The following TBC1D22A variants were observed in gnomAD, a reference collection of about 807,000 sequenced individuals.
TBC1D22A encodes the protein TBC1 domain family member 22A.
TBC1D22A carries 38 observed loss-of-function variants against 60.2 expected under a neutral mutation model. That is an observed-to-expected ratio of 0.63 (90% CI 0.49 to 0.83). TBC1D22A has a LOEUF of 0.83. Ranked by LOEUF, TBC1D22A falls within the 40% of genes least tolerant of loss-of-function variation. The pLI, the probability that TBC1D22A is intolerant of heterozygous loss-of-function variation, is 0.00. For missense variants in TBC1D22A, 628 were observed against 701.0 expected (o/e 0.90, Z 1.18); for synonymous variants, 302 against 281.7 (o/e 1.07, Z -0.72).
chr22:47,001,771 T>G (rs2061418454), intron 10 of TBC1D22A, among the ~76,000 whole-genome samples: 1 of 152,198 alleles, frequency 6.6e-6, no homozygotes, highest in Non-Finnish European at 1.5e-5. Context: ...GGAAGAATAA[T>G]TTTTCTGAAA....
At chr22:46,764,837 A>T (rs1220853149) in intron 1 of TBC1D22A, among the ~76,000 whole-genome samples, 1 of 152,214 alleles carries the variant, frequency 6.6e-6, no homozygotes, top group Admixed American at 6.5e-5. Flanking sequence ...GCAAGGAAGG[A>T]TGCTCACCTA....
At chr22:46,936,140 C>T (rs2071637763) in intron 8 of TBC1D22A, among the ~76,000 whole-genome samples, 1 of 152,258 alleles carries the variant, frequency 6.6e-6, no homozygotes, top group Non-Finnish European at 1.5e-5. Flanking sequence ...CGGGCATGTG[C>T]TGGTCACCTT....
chr22:47,126,719 G>A (rs530639601), intron 12 of TBC1D22A, among the ~76,000 whole-genome samples: 2 of 152,346 alleles, frequency 1.3e-5, no homozygotes, highest in Admixed American at 6.5e-5. Flanking sequence ...GAAGCCCAGG[G>A]ACCCTGTGGT....
intron 8 of TBC1D22A, among the ~76,000 whole-genome samples, chr22:46,964,329 A>G (rs924625330): frequency 1.3e-5 from 2 of 152,156 alleles, no homozygotes; most frequent in Non-Finnish European, 2.9e-5. Context: ...CCTTCTGGGC[A>G]TGTGGAGGCC....
chr22:46,948,653 T>A (rs1051556818), intron 8 of TBC1D22A, among the ~76,000 whole-genome samples: 2 of 152,224 alleles, frequency 1.3e-5, no homozygotes, highest in African/African-American at 2.4e-5. Context: ...ACAGAAGCTG[T>A]CTTCCCTCTT....
At chr22:46,917,056 G>A (rs1460574060) in intron 8 of TBC1D22A, among the ~76,000 whole-genome samples, 1 of 152,196 alleles carries the variant, frequency 6.6e-6, no homozygotes, top group African/African-American at 2.4e-5. Context: ...TGCAGATTGC[G>A]TCCTTGACCC....
intron 7 of TBC1D22A, among the ~76,000 whole-genome samples, chr22:46,910,132 T>C (rs1363585546): frequency 1.3e-5 from 2 of 152,242 alleles, no homozygotes; most frequent in Non-Finnish European, 2.9e-5. Flanking sequence ...CGTGTATGAA[T>C]ATATGTGCGC....
At chr22:46,895,414 C>A (rs149062427) in intron 7 of TBC1D22A, among the ~76,000 whole-genome samples, 1 of 152,116 alleles carries the variant, frequency 6.6e-6, no homozygotes. Context: ...TGCTCTGTCG[C>A]CCAGGCTGGA....
chr22:46,923,490 C>G (rs2070873901), intron 8 of TBC1D22A, among the ~76,000 whole-genome samples: 1 of 152,228 alleles, frequency 6.6e-6, no homozygotes, highest in African/African-American at 2.4e-5. Flanking sequence ...GCCTGGGTCT[C>G]TTCTCTAGGT....
intron 3 of TBC1D22A, among the ~76,000 whole-genome samples, chr22:46,795,779 G>A (rs181672616): frequency 1.7e-3 from 260 of 152,294 alleles, no homozygotes; most frequent in Middle Eastern, 3.4e-3. Flanking sequence ...AGGAGTGAGC[G>A]GCCCCTTACG....
chr22:47,006,679 C>T (rs538165400), intron 10 of TBC1D22A, among the ~76,000 whole-genome samples: 3 of 152,196 alleles, frequency 2.0e-5, no homozygotes, highest in African/African-American at 4.8e-5. Context: ...GCTCTAGTGG[C>T]GGTTGCACCC....
intron 11 of TBC1D22A, among the ~76,000 whole-genome samples, chr22:47,109,980 A>G (rs778264040): frequency 2.6e-5 from 4 of 151,830 alleles, no homozygotes; most frequent in Non-Finnish European, 4.4e-5. Context: ...AGTCGGAGGG[A>G]TGCTTTTGAA....
In TBC1D22A at chr22:46,911,928, A is replaced by AC. The variant is rs1438148136; in HGVS notation, c.901-146_901-145insC. ...AGTAAGACCCTGTCTCAAAAAAAAA[A>AC]AAAAATTGATATTTGTTTATATTTG... is the stretch of plus-strand genomic sequence containing the variant. On this transcript the variant is annotated intron_variant, in intron 7 of 12. Coordinates refer to ENST00000337137, the MANE Select transcript of TBC1D22A (RefSeq NM_014346.5). The AC allele has an allele frequency of 2.4e-5, 14 of 574,014 alleles. 1 individual carries two copies. The Admixed American group carries it at 2.5e-4, about 10-fold the overall frequency. The allele number at this position is 574,014 out of a possible 1,614,324, so 35.6% of individuals were successfully genotyped here. A position where few individuals can be genotyped will look rare whatever the true frequency, so the allele number is the denominator to read the frequency against.
chr22:46,853,149 C>T (rs1290100090), intron 4 of TBC1D22A, among the ~76,000 whole-genome samples: 2 of 152,124 alleles, frequency 1.3e-5, no homozygotes, highest in African/African-American at 4.8e-5. Context: ...GCTGAGCATC[C>T]GTGTGTGTTT....
At chr22:47,041,097 C>G (rs899923593) in intron 11 of TBC1D22A, among the ~76,000 whole-genome samples, 3 of 152,126 alleles carry the variant, frequency 2.0e-5, no homozygotes, top group Non-Finnish European at 4.4e-5. Context: ...TGCTTTTTTT[C>G]TAAGGAAAGG....
intron 12 of TBC1D22A, among the ~76,000 whole-genome samples, chr22:47,169,151 C>T (rs935997207): frequency 6.6e-6 from 1 of 152,192 alleles, no homozygotes; most frequent in Non-Finnish European, 1.5e-5. Context: ...GTGTCCCACT[C>T]ACTGACGTTT....
intron 7 of TBC1D22A, among the ~76,000 whole-genome samples, chr22:46,901,560 T>C (rs2068997151): frequency 6.6e-6 from 1 of 152,150 alleles, no homozygotes; most frequent in South Asian, 2.1e-4. Flanking sequence ...CGCGAGAGAG[T>C]TCTACCCATT....
intron 8 of TBC1D22A, among the ~76,000 whole-genome samples, chr22:46,970,613 T>TCTCGTTCTCCCTC (rs1481036087): frequency 1.1e-4 from 16 of 152,186 alleles, no homozygotes; most frequent in Admixed American, 5.2e-4. Flanking sequence ...TTTGCTCCCT[T>TCTCGTTCTCCCTC]CTCGTTCTCC....
chr22:46,772,674 G>A lies in TBC1D22A; in HGVS notation c.62+9826G>A, dbSNP rs190096577. Among the ~76,000 whole-genome samples, 196 of 135,586 alleles carry A rather than the reference G, an allele frequency of 1.4e-3. 7 individuals carry two copies. The East Asian group carries it at 0.036, about 25-fold the overall frequency. 88.9% of individuals were successfully genotyped at this position (135,586 alleles called of 152,430 possible). On this transcript the variant is annotated intron_variant, in intron 1 of 12. Transcript: ENST00000337137. Reference sequence around the variant, plus strand: ...TTTTTTTTTTTTTTTTGAGATGGGAGTCTCACTCTATCACCAGGCTGGAGT... The same window carrying A: ...TTTTTTTTTTTTTTTTGAGATGGGAATCTCACTCTATCACCAGGCTGGAGT...
Sources: allele counts gnomAD v4.1 joint callset (sites outside exome capture counted in the v4.1 genomes callset), GRCh38; gene constraint gnomAD v4.1.1; transcripts MANE v1.5; gene names NCBI Gene and HGNC (gene_info 2026-07-23, HGNC 2026-07-21).